Variants in APOBEC1 observed in about 807,000 individuals in gnomAD.
APOBEC1 encodes the protein apolipoprotein B mRNA editing enzyme catalytic subunit 1, also known as C->U-editing enzyme APOBEC-1.
Under a neutral mutation model 26.3 loss-of-function variants are expected in APOBEC1, and 22 were observed. That is an observed-to-expected ratio of 0.84 (90% confidence interval 0.60 to 1.19). The LOEUF (loss-of-function observed/expected upper bound fraction) is 1.19, where lower values mean the gene tolerates loss of function less well. Ranked by LOEUF, APOBEC1 falls within the 50% of genes most tolerant of loss-of-function variation. The pLI is 0.00. For synonymous variants in APOBEC1, 77 were observed against 95.3 expected (o/e 0.81, Z 1.12); for missense variants, 253 against 289.0 (o/e 0.88, Z 0.90).
intron 1 of APOBEC1, among the ~76,000 whole-genome samples, chr12:7,655,565 T>C (rs1863702666): frequency 6.7e-6 from 1 of 149,980 alleles, no homozygotes; most frequent in African/African-American, 2.4e-5. Context: ...TATGACACGA[T>C]GGGTAGAGAA....
intron 1 of APOBEC1, among the ~76,000 whole-genome samples, chr12:7,657,507 G>A (rs1413711868): frequency 6.6e-6 from 1 of 151,932 alleles, no homozygotes; most frequent in African/African-American, 2.4e-5. Flanking sequence ...GTGGAAAACT[G>A]AAGATAAGCC....
rs776674023 is a variant in APOBEC1, at chr12:7,653,409, A to G, written c.45-574T>C. 3.3e-5 allele frequency among the ~76,000 whole-genome samples: 5 copies of G among 150,970 alleles called. No individual in the cohort carries two copies. In the South Asian group the frequency reaches 1.1e-3, roughly 32 times the overall value. On this transcript the variant is annotated intron_variant, in intron 2 of 4. Transcript: ENST00000229304. ...CATTATTTGGTGACCACTCTCTAAT[A>G]CCATTATGTTTTAGTCTTGAATTCA...
In APOBEC1 at chr12:7,658,557, G is replaced by A. The variant is rs767619405; in HGVS notation, c.17-3925C>T. Among the ~76,000 whole-genome samples the A allele has an allele frequency of 1.1e-3, 173 of 152,254 alleles. 2 individuals are homozygous for A. The highest frequency in any genetic ancestry group is 4.0e-3 in the African/African-American group (165 of 41,556). ...GTGCCAGATGGTCTCAGAGTCAGTG[G>A]CATGAAGGAAAAAGGAAGTCTGTGA... is the stretch of plus-strand genomic sequence containing the variant. On this transcript the variant is annotated intron_variant, in intron 1 of 4. Transcript: ENST00000229304.
chr12:7,665,807 C>CACACACACACAA, intron 1 of APOBEC1, 50 bp downstream of exon 1: 1 of 1,097,522 alleles, frequency 9.1e-7, no homozygotes, highest in Non-Finnish European at 1.3e-6. Context: ...ACACACACAC[C>CACACACACACAA]ATTCTTGCAT....
At chr12:7,662,311 G>T (rs1235985211) in intron 1 of APOBEC1, among the ~76,000 whole-genome samples, 1 of 152,100 alleles carries the variant, frequency 6.6e-6, no homozygotes, top group Non-Finnish European at 1.5e-5. Context: ...GCCGGGTACG[G>T]TGGATCATGC....
chr12:7,655,060 T>C (rs1863694117), intron 1 of APOBEC1, among the ~76,000 whole-genome samples: 1 of 151,516 alleles, frequency 6.6e-6, no homozygotes, highest in Admixed American at 6.6e-5. Flanking sequence ...AATACAAAAA[T>C]TAGCCAGGTG....
At chr12:7,654,658 A>C (rs368371432) in intron 1 of APOBEC1, 26 bp from the exon 2 acceptor site, 1 of 1,612,412 alleles carries the variant, frequency 6.2e-7, no homozygotes, top group African/African-American at 1.3e-5. Flanking sequence ...TGATTATGTC[A>C]AACAACACTC....
chr12:7,665,807 C>CACACACA, intron 1 of APOBEC1, 50 bp downstream of exon 1: 6 of 1,097,500 alleles, frequency 5.5e-6, no homozygotes, highest in Middle Eastern at 2.1e-4. Flanking sequence ...ACACACACAC[C>CACACACA]ATTCTTGCAT....
At chr12:7,662,299 C>T (rs1213296238) in intron 1 of APOBEC1, among the ~76,000 whole-genome samples, 2 of 151,544 alleles carry the variant, frequency 1.3e-5, no homozygotes, top group African/African-American at 2.4e-5. Context: ...TAAAAAAAGA[C>T]GGCCGGGTAC....
intron 3 of APOBEC1, among the ~76,000 whole-genome samples, chr12:7,651,959 T>C (rs536740227): frequency 0.014 from 2,135 of 152,142 alleles, 20 homozygotes; most frequent in Non-Finnish European, 0.021. Flanking sequence ...TAGCTGGGAC[T>C]ACAGGCGCCC....
intron 2 of APOBEC1, 120 bp downstream of exon 2, chr12:7,654,485 C>T: frequency 6.1e-6 from 6 of 975,682 alleles, no homozygotes; most frequent in Non-Finnish European, 9.5e-6. Context: ...GATCCTCCTA[C>T]TCCTGCCTCA....
At chr12:7,659,557 C>T (rs1327507112) in intron 1 of APOBEC1, among the ~76,000 whole-genome samples, 1 of 151,672 alleles carries the variant, frequency 6.6e-6, no homozygotes, top group Non-Finnish European at 1.5e-5. Context: ...TGCAAAACAC[C>T]AAATGCTGGT....
chr12:7,665,483 A>G (rs950735296), intron 1 of APOBEC1, among the ~76,000 whole-genome samples: 1 of 151,856 alleles, frequency 6.6e-6, no homozygotes, highest in Admixed American at 6.6e-5. Context: ...TTTTTAGTAC[A>G]GATAGGGTTT....
chr12:7,664,349 T>C (rs768167700), intron 1 of APOBEC1, among the ~76,000 whole-genome samples: 16 of 152,200 alleles, frequency 1.1e-4, no homozygotes, highest in Non-Finnish European at 1.6e-4. Flanking sequence ...ATTTTAGTCA[T>C]ATCTCTGTGC....
At chr12:7,657,270 G>T (rs1346490344) in intron 1 of APOBEC1, among the ~76,000 whole-genome samples, 1 of 152,138 alleles carries the variant, frequency 6.6e-6, no homozygotes, top group East Asian at 1.9e-4. Context: ...TGAATGTCTA[G>T]TTGCATAACA....
rs760069384 is a variant in APOBEC1, at chr12:7,652,652, AAAATCTCTTTCTGACGT to A, written c.211_227del (p.Thr71SerfsTer25). The A allele has an allele frequency of 6.2e-7, 1 of 1,614,160 alleles. No individual in the cohort carries two copies. Among genetic ancestry groups the A allele is most frequent in the African/African-American group, 1.3e-5 (1 of 75,062 alleles). On this transcript the variant is annotated frameshift_variant, in exon 3 of 5. Transcript: ENST00000229304. LOFTEE classifies it high-confidence loss of function. ...TGATGGAGCAGCTCATGGATGGGTGAAAATCTCTTTCTGACGTAAATTTTTTTATAAAATTAACTTCC... is the reference window on the plus strand; with the variant it reads ...TGATGGAGCAGCTCATGGATGGGTGAAAATTTTTTTATAAAATTAACTTCC...
chr12:7,660,588 A>G (rs1263310252), intron 1 of APOBEC1, among the ~76,000 whole-genome samples: 1 of 147,340 alleles, frequency 6.8e-6, no homozygotes, highest in African/African-American at 2.5e-5. Context: ...TTGTAATCCC[A>G]GCTACTCAGG....
upstream of APOBEC1, among the ~76,000 whole-genome samples, chr12:7,667,922 G>GAA (rs56061810): frequency 6.7e-3 from 929 of 137,664 alleles, 10 homozygotes; most frequent in East Asian, 0.021. Flanking sequence ...AAAAAAAAAA[G>GAA]AAAAAAAAAA....
At chr12:7,654,931 G>A (rs538925488) in intron 1 of APOBEC1, among the ~76,000 whole-genome samples, 14 of 152,156 alleles carry the variant, frequency 9.2e-5, no homozygotes, top group Non-Finnish European at 1.6e-4. Context: ...CTTAGAGGCC[G>A]GGTGCGGTGG....
Sources: gnomAD v4.1 joint callset for allele counts (sites outside exome capture counted in the v4.1 genomes callset) on GRCh38, gnomAD v4.1.1 for gene constraint, MANE v1.5 for transcripts, NCBI Gene and HGNC (gene_info 2026-07-23, HGNC 2026-07-21) for gene names.